Variants in PPP2R2B observed in about 807,000 individuals in gnomAD.
PPP2R2B encodes the protein serine/threonine-protein phosphatase 2A 55 kDa regulatory subunit B beta isoform.
PPP2R2B carries 5 observed loss-of-function variants against 46.0 expected under a neutral mutation model. The observed-to-expected ratio is 0.11, with a 90% CI of 0.06 to 0.23. PPP2R2B has a LOEUF of 0.23. Among genes scored for constraint, PPP2R2B ranks in the 10% least tolerant of loss-of-function variants. The pLI, the probability that PPP2R2B is intolerant of heterozygous loss-of-function variation, is 1.00. For missense variants in PPP2R2B, 367 were observed against 575.0 expected (o/e 0.64, Z 3.70); for synonymous variants, 215 against 206.7 (o/e 1.04, Z -0.34).
chr5:146,902,113 T>C (rs1762854389), intron 1 of PPP2R2B, among the ~76,000 whole-genome samples: 1 of 152,114 alleles, frequency 6.6e-6, no homozygotes, highest in African/African-American at 2.4e-5. Context: ...ATGTGCACAC[T>C]CCACTGGCAT....
At chr5:147,058,783 T>A (rs2151906595), upstream of PPP2R2B, among the ~76,000 whole-genome samples, 1 of 152,318 alleles carries the variant, frequency 6.6e-6, no homozygotes, top group South Asian at 2.1e-4. Flanking sequence ...AGTGTGCTTC[T>A]TGTCTCTTTG....
At chr5:146,745,358 T>A (rs1334338106) in intron 2 of PPP2R2B, among the ~76,000 whole-genome samples, 1 of 152,156 alleles carries the variant, frequency 6.6e-6, no homozygotes, top group Admixed American at 6.5e-5. Flanking sequence ...ATTCCAAGAT[T>A]TTGAGATTTT....
intron 2 of PPP2R2B, among the ~76,000 whole-genome samples, chr5:146,820,318 C>T (rs936437394): frequency 6.6e-6 from 1 of 151,908 alleles, no homozygotes; most frequent in Non-Finnish European, 1.5e-5. Flanking sequence ...CATATAGGTA[C>T]AATAATTTTG....
chr5:147,008,602 T>A (rs1195606916), intron 1 of PPP2R2B, among the ~76,000 whole-genome samples: 4 of 152,124 alleles, frequency 2.6e-5, no homozygotes. Flanking sequence ...CTTCTTCATA[T>A]CAAAATCTTA....
chr5:146,666,390 T>C (rs2151114749), intron 5 of PPP2R2B, among the ~76,000 whole-genome samples: 1 of 152,352 alleles, frequency 6.6e-6, no homozygotes, highest in Non-Finnish European at 1.5e-5. Flanking sequence ...TAAACAAGCA[T>C]TTCTTTTGTA....
intron 2 of PPP2R2B, among the ~76,000 whole-genome samples, chr5:146,800,598 A>C (rs1756800911): frequency 2.1e-5 from 3 of 143,336 alleles, no homozygotes; most frequent in African/African-American, 7.8e-5. Context: ...CTCCCAAGAG[A>C]AGAAATCTGA....
At chr5:146,992,209 T>G (rs1753726061) in intron 1 of PPP2R2B, among the ~76,000 whole-genome samples, 1 of 152,116 alleles carries the variant, frequency 6.6e-6, no homozygotes, top group Admixed American at 6.5e-5. Flanking sequence ...GAAATGAACA[T>G]ATTCATGTAT....
chr5:146,615,381 T>A (rs368635271), intron 7 of PPP2R2B, among the ~76,000 whole-genome samples: 2 of 94,594 alleles, frequency 2.1e-5, no homozygotes, highest in African/African-American at 4.5e-5. Context: ...AGGGATAGCA[T>A]TGGGAGATAT....
chr5:146,632,061 G>GGTGCC (rs1774459067), intron 7 of PPP2R2B, among the ~76,000 whole-genome samples: 1 of 103,998 alleles, frequency 9.6e-6, no homozygotes, highest in African/African-American at 3.5e-5. Flanking sequence ...GCTGAGTTGT[G>GGTGCC]CCCCCCCCCC....
chr5:146,879,181 G>C (rs1481317436), upstream of PPP2R2B: 1 of 153,822 alleles, frequency 6.5e-6, no homozygotes, highest in Non-Finnish European at 1.4e-5. Flanking sequence ...GCGAGGTTTG[G>C]GGCTCGAAGC....
chr5:146,973,488 T>C (rs1415673594), intron 1 of PPP2R2B, among the ~76,000 whole-genome samples: 1 of 152,218 alleles, frequency 6.6e-6, no homozygotes, highest in African/African-American at 2.4e-5. Flanking sequence ...CCCCAGGTCA[T>C]AGCTAAGTGG....
chr5:146,981,588 C>T (rs1297884596), intron 1 of PPP2R2B, among the ~76,000 whole-genome samples: 1 of 152,102 alleles, frequency 6.6e-6, no homozygotes, highest in Non-Finnish European at 1.5e-5. Context: ...ACAGAGAACA[C>T]TTGTATCCTT....
chr5:147,026,648 TTAAA>T (rs1755540504), intron 1 of PPP2R2B, among the ~76,000 whole-genome samples: 1 of 152,118 alleles, frequency 6.6e-6, no homozygotes. Flanking sequence ...AGATAACTAT[TTAAA>T]TAAATATTTC....
At chr5:146,892,965 C>G (rs1050512459) in intron 1 of PPP2R2B, among the ~76,000 whole-genome samples, 1 of 152,150 alleles carries the variant, frequency 6.6e-6, no homozygotes, top group Non-Finnish European at 1.5e-5. Context: ...CTATTGCTAC[C>G]CTAGGTTTCT....
chr5:146,769,954 C>T (rs1360664190), intron 2 of PPP2R2B, among the ~76,000 whole-genome samples: 2 of 152,018 alleles, frequency 1.3e-5, no homozygotes, highest in Non-Finnish European at 2.9e-5. Context: ...CCCAGGGATG[C>T]ATACACAGAT....
intron 1 of PPP2R2B, among the ~76,000 whole-genome samples, chr5:146,979,870 C>T (rs1753087307): frequency 1.3e-5 from 2 of 152,092 alleles, no homozygotes; most frequent in Admixed American, 1.3e-4. Flanking sequence ...CCCTACTCAC[C>T]TATTTCTCAT....
chr5:146,848,878 C>T (rs916093881), intron 2 of PPP2R2B, among the ~76,000 whole-genome samples: 2 of 152,182 alleles, frequency 1.3e-5, no homozygotes, highest in African/African-American at 4.8e-5. Context: ...CAATTATTTA[C>T]TTATACCAGT....
At chr5:146,813,149 A>C (rs949459248) in intron 2 of PPP2R2B, among the ~76,000 whole-genome samples, 1 of 151,668 alleles carries the variant, frequency 6.6e-6, no homozygotes, top group African/African-American at 2.4e-5. Flanking sequence ...GTGTGTATAT[A>C]TATGTATATA....
intron 1 of PPP2R2B, among the ~76,000 whole-genome samples, chr5:147,041,390 T>G (rs1259681543): frequency 6.6e-6 from 1 of 152,194 alleles, no homozygotes; most frequent in Non-Finnish European, 1.5e-5. Context: ...TTCAGCATTC[T>G]GCAGCTATGC....
Sources: gnomAD v4.1 joint callset for allele counts (sites outside exome capture counted in the v4.1 genomes callset) on GRCh38, gnomAD v4.1.1 for gene constraint, MANE v1.5 for transcripts, NCBI Gene and HGNC (gene_info 2026-07-23, HGNC 2026-07-21) for gene names.